The following CD163L1 variants were observed in gnomAD, a reference collection of about 807,000 sequenced individuals.
CD163L1 encodes the protein CD163 molecule like 1.
In CD163L1, 124 loss-of-function variants were observed where a neutral mutation model predicts 165.4. The observed-to-expected ratio is 0.75, with a 90% CI of 0.65 to 0.87. The LOEUF (loss-of-function observed/expected upper bound fraction) is 0.87, where lower values mean the gene tolerates loss of function less well. Ranked by LOEUF, CD163L1 falls within the 40% of genes least tolerant of loss-of-function variation. The pLI is 0.00. For synonymous variants in CD163L1, 585 were observed against 662.2 expected, an observed-to-expected ratio of 0.88 and a Z score of 1.79; for missense variants, 1,525 against 1,799.9, an observed-to-expected ratio of 0.85 and a Z score of 2.76.
chr12:7,396,304 C>T lies in CD163L1; in HGVS notation c.1841G>A (p.Ser614Asn). 3 of 1,614,172 alleles carry T rather than the reference C, an allele frequency of 1.9e-6. No individual in the cohort carries two copies. Among genetic ancestry groups the T allele is most frequent in the Non-Finnish European group, 2.5e-6 (3 of 1,180,024 alleles). The change falls in exon 8 of 20, where the codon AGT becomes AAT. Residue 614 changes from serine (S) to asparagine (N), a missense_variant. By Grantham distance (46) the Ser-to-Asn change is conservative. Coordinates refer to ENST00000313599, the MANE Select transcript of CD163L1 (RefSeq NM_174941.6). ...GCTACACACCACAGCTGCAGCTTTA[C>T]TGTTCCAGCCGTCATCACACACTGT... ...WGTVCDDGWN[S>N]KAAAVVCSQL...
In CD163L1 at chr12:7,390,029, T is replaced by A. The variant is rs776059108; in HGVS notation, c.2050+6066A>T. Among the ~76,000 whole-genome samples, 10 of 148,506 alleles carry A rather than the reference T, an allele frequency of 6.7e-5. No homozygotes were observed. In the South Asian group the frequency reaches 2.1e-3, roughly 32 times the overall value. On this transcript the variant is annotated intron_variant, in intron 8 of 19. Coordinates refer to ENST00000313599, the MANE Select transcript of CD163L1 (RefSeq NM_174941.6). ...TATTCAGTCCTAAAAAAGAATGAAA[T>A]CTTACTATTTGCAGCAACAGGGATG...
At chr12:7,323,487 C>T in the CD163L1 span, 1 of 1,613,826 alleles carries the variant, frequency 6.2e-7, no homozygotes, top group Non-Finnish European at 8.5e-7. Context: ...AATGTTCTAC[C>T]ACCTGGCAAA....
intron 4 of CD163L1, among the ~76,000 whole-genome samples, chr12:7,420,944 C>T (rs1210458092): frequency 7.2e-6 from 1 of 138,908 alleles, no homozygotes; most frequent in African/African-American, 2.7e-5. Context: ...ATGGCAACAG[C>T]CCAAATGCCC....
intron 14 of CD163L1, among the ~76,000 whole-genome samples, chr12:7,370,699 T>C (rs947602764): frequency 3.3e-5 from 5 of 152,192 alleles, no homozygotes; most frequent in African/African-American, 1.2e-4. Flanking sequence ...CCCTCTCCAG[T>C]TACCGTGTTA....
At chr12:7,421,970 C>A (rs781605242) in intron 4 of CD163L1, among the ~76,000 whole-genome samples, 1 of 151,996 alleles carries the variant, frequency 6.6e-6, no homozygotes, top group Non-Finnish European at 1.5e-5. Flanking sequence ...TCAAGTGGGT[C>A]CCTGAACTCC....
chr12:7,393,417 G>GT (rs1947703522), intron 8 of CD163L1, among the ~76,000 whole-genome samples: 1 of 152,078 alleles, frequency 6.6e-6, no homozygotes, highest in Admixed American at 6.5e-5. Context: ...TTGATGGAAC[G>GT]TATCTCAAAA....
rs1323380363 is a variant in CD163L1 at position 7,404,521 on chromosome 12, ACT to A, written c.1088-668_1088-667del. Among the ~76,000 whole-genome samples, 8 of 152,166 alleles carry A rather than the reference ACT, an allele frequency of 5.3e-5. No individual in the cohort carries two copies. In the South Asian group the frequency reaches 1.2e-3, roughly 24 times the overall value. ...CACGTTACTTCTTTGTGTTCCTGTG[ACT>A]CTGCTTTTTCATGCATACAAATAAA... On this transcript the variant is annotated intron_variant, in intron 5 of 19. Transcript: ENST00000313599.
intron 4 of CD163L1, among the ~76,000 whole-genome samples, chr12:7,427,723 C>T (rs7489157): frequency 1 from 151,649 of 152,222 alleles, 75,543 homozygotes; most frequent in Non-Finnish European, 1. Context: ...AATGTCATAC[C>T]TGCAAATGTG....
intron 4 of CD163L1, among the ~76,000 whole-genome samples, chr12:7,425,181 A>C (rs1274729949): frequency 6.6e-6 from 1 of 152,184 alleles, no homozygotes; most frequent in Non-Finnish European, 1.5e-5. Context: ...AGAACACAAC[A>C]CATCTACAAC....
chr12:7,361,829 G>C (rs966660811), intron 18 of CD163L1, among the ~76,000 whole-genome samples: 2 of 151,758 alleles, frequency 1.3e-5, no homozygotes, highest in African/African-American at 4.8e-5. Context: ...TCAGTTTTTT[G>C]TGCAACCGTT....
chr12:7,439,948 G>A (rs1948795721), intron 2 of CD163L1: 4 of 1,580,574 alleles, frequency 2.5e-6, no homozygotes, highest in Non-Finnish European at 3.4e-6. Flanking sequence ...AGCTGACACA[G>A]GGGCTGCGGT....
In CD163L1 at chr12:7,374,909, G is replaced by A. The variant is rs1480944695; in HGVS notation, c.3016C>T (p.Pro1006Ser). 1 of 1,614,104 alleles carries A rather than the reference G, an allele frequency of 6.2e-7. No homozygotes were observed. Among genetic ancestry groups the A allele is most frequent in the South Asian group, 1.1e-5 (1 of 91,082 alleles). The change falls in exon 12 of 20, where the codon CCA becomes TCA. Residue 1006 changes from proline (P) to serine (S), a missense_variant. Pro to Ser is a moderately conservative substitution (Grantham distance 74). Coordinates refer to ENST00000313599, the MANE Select transcript of CD163L1 (RefSeq NM_174941.6). This position sits in a 1 kb window ranked among gnomAD's most constrained non-coding sequence, Gnocchi z 5.4. ...ACATTTGCGAGGCATGGAAACAGTG[G>A]CTGGGTCAGGCTTCCTGGTGGAGGG... ...SVICTGSLTQ[P>S]LFPCLANVSD...
At chr12:7,410,094 GTAAT>G (rs1406482903) in intron 4 of CD163L1, among the ~76,000 whole-genome samples, 4 of 151,746 alleles carry the variant, frequency 2.6e-5, no homozygotes, top group Non-Finnish European at 5.9e-5. Context: ...GAAAAATACA[GTAAT>G]TAAATTAATA....
At chr12:7,384,144 T>C (rs1947467137) in intron 8 of CD163L1, among the ~76,000 whole-genome samples, 2 of 151,292 alleles carry the variant, frequency 1.3e-5, no homozygotes, top group Admixed American at 6.6e-5. Flanking sequence ...ACAGAAATCA[T>C]GGAATGAAAT....
At chr12:7,322,410 C>G in the CD163L1 span, 1 of 1,613,486 alleles carries the variant, frequency 6.2e-7, no homozygotes, top group Non-Finnish European at 8.5e-7. Context: ...GCAACTCTGT[C>G]TCTCCAGATA....
At chr12:7,418,187 C>G (rs143577500) in intron 4 of CD163L1, among the ~76,000 whole-genome samples, 1 of 152,148 alleles carries the variant, frequency 6.6e-6, no homozygotes, top group East Asian at 1.9e-4. Context: ...CAAGTACACT[C>G]TCACACCACA....
rs375849106 is a variant in CD163L1, at chr12:7,379,317, A to T, written c.2051-19T>A. 117 of 1,609,964 alleles carry T rather than the reference A, an allele frequency of 7.3e-5. No homozygotes were observed. Among genetic ancestry groups the T allele is most frequent in the Non-Finnish European group, 9.7e-5 (114 of 1,177,234 alleles). ...GATGCATCTGAAACCAAATACCACAATGATTTTAGAGAAGCACTCTATGTG... is the reference window on the plus strand; with the variant it reads ...GATGCATCTGAAACCAAATACCACATTGATTTTAGAGAAGCACTCTATGTG... On this transcript the variant is annotated intron_variant, in intron 8 of 19. Transcript: ENST00000313599.
At chr12:7,323,329 T>C in the CD163L1 span, 3 of 1,607,168 alleles carry the variant, frequency 1.9e-6, no homozygotes, top group Non-Finnish European at 2.6e-6. Flanking sequence ...GTTGAGAAAA[T>C]ATCTGACTGG....
At chr12:7,437,904 A>G (rs1043341466) in intron 2 of CD163L1, among the ~76,000 whole-genome samples, 1 of 151,934 alleles carries the variant, frequency 6.6e-6, no homozygotes, top group Non-Finnish European at 1.5e-5. Flanking sequence ...ATTATAAAAA[A>G]AAAAAAAGAA....
Sources: allele counts gnomAD v4.1 joint callset (sites outside exome capture counted in the v4.1 genomes callset), GRCh38; gene constraint gnomAD v4.1.1; non-coding constraint Gnocchi (gnomAD v3.1); transcripts MANE v1.5; gene names NCBI Gene and HGNC (gene_info 2026-07-23, HGNC 2026-07-21).